FBN2: variants seen among roughly 807,000 people sequenced by gnomAD.
FBN2 encodes the protein fibrillin-2.
Under a neutral mutation model 355.6 loss-of-function variants are expected in FBN2, and 105 were observed. The observed-to-expected ratio is 0.30, with a 90% CI of 0.25 to 0.35. FBN2 has a LOEUF of 0.35. FBN2 is among the 10% of genes least tolerant of loss of function. FBN2 has a pLI of 1.00. For missense variants in FBN2, 3,280 were observed against 3,758.7 expected, an observed-to-expected ratio of 0.87 and a Z score of 3.33; for synonymous variants, 1,350 against 1,301.2, an observed-to-expected ratio of 1.04 and a Z score of -0.81.
rs1184073252 is a variant in FBN2 at position 128,298,386 on chromosome 5, C to T, written c.6166+2431G>A. ...TTCCTGAATCTGAATGTTGGCCTGCCTTGCTAGATTGGGGAAGTTCTCCTG... is the reference window on the plus strand; with the variant it reads ...TTCCTGAATCTGAATGTTGGCCTGCTTTGCTAGATTGGGGAAGTTCTCCTG... On this transcript the variant is annotated intron_variant, in intron 48 of 64. Coordinates refer to ENST00000262464, the MANE Select transcript of FBN2 (RefSeq NM_001999.4). Among the ~76,000 whole-genome samples, 4 of 152,196 alleles carry T rather than the reference C, an allele frequency of 2.6e-5. No homozygotes were observed. In the South Asian group the frequency reaches 6.2e-4, roughly 24 times the overall value.
At chr5:128,367,060 TTA>T (rs1751791547) in intron 16 of FBN2, among the ~76,000 whole-genome samples, 1 of 152,176 alleles carries the variant, frequency 6.6e-6, no homozygotes, top group South Asian at 2.1e-4. Flanking sequence ...GGTATCACAT[TTA>T]TTCAGTCAAT....
chr5:128,370,915 A>C (rs534452167), intron 15 of FBN2, among the ~76,000 whole-genome samples: 1 of 152,292 alleles, frequency 6.6e-6, no homozygotes, highest in East Asian at 1.9e-4. Flanking sequence ...AACTTCCCAA[A>C]GTTCAGATCC....
chr5:128,343,325 A>C (rs1462107716), intron 25 of FBN2, among the ~76,000 whole-genome samples: 1 of 152,180 alleles, frequency 6.6e-6, no homozygotes, highest in Non-Finnish European at 1.5e-5. Context: ...AAAACAGGTG[A>C]GGGGATGAAG....
intron 7 of FBN2, among the ~76,000 whole-genome samples, chr5:128,434,062 T>C (rs1753704384): frequency 6.6e-6 from 1 of 152,042 alleles, no homozygotes; most frequent in Non-Finnish European, 1.5e-5. Context: ...AGAAACAATT[T>C]ACCTAACCTT....
intron 14 of FBN2, among the ~76,000 whole-genome samples, chr5:128,375,615 C>A (rs1294775948): frequency 6.6e-6 from 1 of 152,122 alleles, no homozygotes; most frequent in Admixed American, 6.6e-5. Context: ...CCTAGAATTT[C>A]ATTGTAATTC....
intron 20 of FBN2, among the ~76,000 whole-genome samples, chr5:128,352,375 T>C (rs750855706): frequency 3.3e-5 from 5 of 152,220 alleles, no homozygotes; most frequent in Non-Finnish European, 7.3e-5. Flanking sequence ...CACATCAAAT[T>C]TGTTCTTCCT....
intron 2 of FBN2, among the ~76,000 whole-genome samples, chr5:128,534,278 G>T (rs963540815): frequency 3.3e-5 from 5 of 151,972 alleles, no homozygotes; most frequent in Non-Finnish European, 5.9e-5. Flanking sequence ...TCATCAGGAA[G>T]GCCTGGAATT....
chr5:128,260,855 A>C (rs1386684554), intron 64 of FBN2, among the ~76,000 whole-genome samples: 1 of 152,160 alleles, frequency 6.6e-6, no homozygotes, highest in Admixed American at 6.5e-5. Flanking sequence ...TTGGTGGGGT[A>C]ATTTCTCAGT....
At chr5:128,514,006 G>A (rs1387135900) in intron 5 of FBN2, among the ~76,000 whole-genome samples, 3 of 147,376 alleles carry the variant, frequency 2.0e-5, no homozygotes, top group Admixed American at 1.3e-4. Flanking sequence ...TCTTCTTAAC[G>A]GCCTCACAAG....
chr5:128,454,228 G>C (rs963677523), intron 6 of FBN2, among the ~76,000 whole-genome samples: 1 of 152,028 alleles, frequency 6.6e-6, no homozygotes, highest in African/African-American at 2.4e-5. Context: ...TTTTGTTCCA[G>C]GATTTTGTTT....
intron 41 of FBN2, among the ~76,000 whole-genome samples, chr5:128,308,070 C>G (rs1267332978): frequency 6.6e-6 from 1 of 151,996 alleles, no homozygotes; most frequent in East Asian, 1.9e-4. Context: ...TGTCATTGCA[C>G]CCATATGAAT....
chr5:128,445,104 C>T (rs1308069824), intron 7 of FBN2, among the ~76,000 whole-genome samples: 1 of 152,128 alleles, frequency 6.6e-6, no homozygotes, highest in East Asian at 1.9e-4. Context: ...TCATGTCTTC[C>T]AAGTGTTACT....
intron 13 of FBN2, 78 bp downstream of exon 13, chr5:128,377,674 A>T (rs886527045): frequency 6.7e-7 from 1 of 1,485,374 alleles, no homozygotes; most frequent in African/African-American, 1.4e-5. Context: ...GTGAGCTTTC[A>T]TGGAAATAGT....
At chr5:128,266,676 CT>C (rs1271829457) in intron 62 of FBN2, among the ~76,000 whole-genome samples, 1 of 152,036 alleles carries the variant, frequency 6.6e-6, no homozygotes, top group East Asian at 1.9e-4. Flanking sequence ...CCTATTTCTA[CT>C]TTTGTTCTCC....
chr5:128,331,465 T>C (rs1218090928), intron 32 of FBN2, among the ~76,000 whole-genome samples: 4 of 151,998 alleles, frequency 2.6e-5, no homozygotes, highest in African/African-American at 4.8e-5. Context: ...CAGAGGGTGA[T>C]GGACAATGAA....
chr5:128,299,875 C>T (rs925758671), intron 48 of FBN2, among the ~76,000 whole-genome samples: 1 of 152,076 alleles, frequency 6.6e-6, no homozygotes, highest in East Asian at 1.9e-4. Flanking sequence ...AAACTTCTCA[C>T]TGAGATGATT....
intron 7 of FBN2, among the ~76,000 whole-genome samples, chr5:128,423,678 G>C (rs566960934): frequency 6.6e-6 from 1 of 152,274 alleles, no homozygotes; most frequent in Admixed American, 6.5e-5. Flanking sequence ...AAAGAAGTTA[G>C]GCTGGAGAGG....
At chr5:128,493,953 C>T (rs561296863) in intron 5 of FBN2, among the ~76,000 whole-genome samples, 1 of 152,156 alleles carries the variant, frequency 6.6e-6, no homozygotes, top group Admixed American at 6.5e-5. Context: ...GAGAGAAAAC[C>T]AGGGGATGAC....
At position 128,341,180 on chromosome 5, in the gene FBN2, G is replaced by C. The variant is rs746584592; in HGVS notation, c.3344-2119C>G. Reference sequence around the variant, plus strand: ...TCCAGAGCAATGCAGCCCTGTCAATGTGTTAGAGACATTAAGCAACTTTGG... The same window carrying C: ...TCCAGAGCAATGCAGCCCTGTCAATCTGTTAGAGACATTAAGCAACTTTGG... On this transcript the variant is annotated intron_variant, in intron 25 of 64. Coordinates refer to ENST00000262464, the MANE Select transcript of FBN2 (RefSeq NM_001999.4). Among the ~76,000 whole-genome samples, 42 of 152,204 alleles carry C rather than the reference G, an allele frequency of 2.8e-4. 1 individual carries two copies. The highest frequency in any genetic ancestry group is 4.9e-4 in the Non-Finnish European group (33 of 68,038).
Sources: gnomAD v4.1 joint callset for allele counts (sites outside exome capture counted in the v4.1 genomes callset) on GRCh38, gnomAD v4.1.1 for gene constraint, MANE v1.5 for transcripts, NCBI Gene and HGNC (gene_info 2026-07-23, HGNC 2026-07-21) for gene names.